Variants in UBAC2 observed in about 807,000 individuals in gnomAD.
UBAC2 encodes ubiquitin-associated domain-containing protein 2.
A neutral mutation model predicts 44.0 loss-of-function variants in UBAC2; 26 were observed. The ratio of observed to expected loss-of-function variants is 0.59; its 90% CI spans 0.43 to 0.82. The LOEUF (loss-of-function observed/expected upper bound fraction) is 0.82, where lower values mean the gene tolerates loss of function less well. UBAC2 is among the 40% of genes least tolerant of loss of function. The pLI is 0.00. For synonymous variants in UBAC2, 155 were observed against 154.3 expected (o/e 1.00, Z -0.04); for missense variants, 329 against 419.4 (o/e 0.78, Z 1.88).
At chr13:99,203,043 A>ATTTATTTATTTG (rs1555317928) in intron 1 of UBAC2, among the ~76,000 whole-genome samples, 1 of 150,856 alleles carries the variant, frequency 6.6e-6, no homozygotes, top group African/African-American at 2.4e-5. Context: ...TTATTTATTT[A>ATTTATTTATTTG]TTTATTTATT....
intron 1 of UBAC2, among the ~76,000 whole-genome samples, chr13:99,213,817 A>ATATTT (rs910735578): frequency 2.6e-5 from 4 of 152,108 alleles, no homozygotes; most frequent in Non-Finnish European, 2.9e-5. Context: ...AAAGATAAGA[A>ATATTT]TATTTTATTT....
At chr13:99,334,018 G>A (rs2044752896) in intron 6 of UBAC2, among the ~76,000 whole-genome samples, 1 of 152,148 alleles carries the variant, frequency 6.6e-6, no homozygotes, top group Non-Finnish European at 1.5e-5. Context: ...TGCAATCATA[G>A]CTCACTACAA....
Position 99,295,877 on chromosome 13 carries a change from T to G in UBAC2, c.390-18220T>G. On this transcript the variant is annotated intron_variant, in intron 4 of 8. Coordinates refer to ENST00000403766, the MANE Select transcript of UBAC2 (RefSeq NM_001144072.2). This position sits in a 1 kb window ranked among gnomAD's most constrained non-coding sequence, Gnocchi z 4.1. ...TCTCCAGTCAAAGCCCATTGCATAG[T>G]AGGCTATTCGTGTAGGCAAAGCGGT... 1.9e-6 allele frequency: 3 copies of G among 1,610,278 alleles called. No homozygotes were observed. The highest frequency in any genetic ancestry group is 2.5e-6 in the Non-Finnish European group (3 of 1,177,732).
At chr13:99,285,746 G>A (rs1290762105) in intron 4 of UBAC2, among the ~76,000 whole-genome samples, 1 of 152,140 alleles carries the variant, frequency 6.6e-6, no homozygotes, top group African/African-American at 2.4e-5. Context: ...ATAAAGCAGA[G>A]GTTGGAAAGC....
intron 7 of UBAC2, among the ~76,000 whole-genome samples, chr13:99,348,246 G>A (rs899589903): frequency 3.3e-5 from 5 of 152,172 alleles, no homozygotes; most frequent in Admixed American, 6.5e-5. Flanking sequence ...ATAAGACGCC[G>A]CCTGCGCCTT....
At chr13:99,273,801 C>G (rs777345685) in intron 4 of UBAC2, among the ~76,000 whole-genome samples, 15 of 150,890 alleles carry the variant, frequency 9.9e-5, no homozygotes, top group Non-Finnish European at 2.2e-4. Flanking sequence ...CCATTTTTCT[C>G]AGTTCTTTCT....
intron 8 of UBAC2, among the ~76,000 whole-genome samples, chr13:99,369,569 AG>A (rs1430541623): frequency 6.6e-6 from 1 of 152,226 alleles, no homozygotes; most frequent in African/African-American, 2.4e-5. Flanking sequence ...GATATTCAGT[AG>A]GTTAAGTGTA....
chr13:99,241,076 C>A (rs1427278849), intron 2 of UBAC2, among the ~76,000 whole-genome samples: 1 of 151,876 alleles, frequency 6.6e-6, no homozygotes, highest in Non-Finnish European at 1.5e-5. Context: ...CCAGCCTGGG[C>A]AACATGGCAA....
chr13:99,314,200 A>T lies in UBAC2; in HGVS notation c.493A>T (p.Ile165Phe). ...GPLSITNKTL[I>F]YILGLQLFTS... ...GTTGTCCATCACAAACAAGACATTG[A>T]TTTATATATTGGGACTGCAGGTACA... The change falls in exon 5 of 9, where the codon ATT (isoleucine) becomes TTT (phenylalanine). Residue 165 changes from isoleucine to phenylalanine, a missense_variant. Coordinates refer to ENST00000403766, the MANE Select transcript of UBAC2 (RefSeq NM_001144072.2). 2 of 1,591,886 alleles carry T rather than the reference A, an allele frequency of 1.3e-6. No individual in the cohort carries two copies. The highest frequency in any genetic ancestry group is 1.7e-6 in the Non-Finnish European group (2 of 1,168,044).
intron 4 of UBAC2, among the ~76,000 whole-genome samples, chr13:99,306,351 C>T (rs560249551): frequency 6.6e-6 from 1 of 152,276 alleles, no homozygotes; most frequent in African/African-American, 2.4e-5. Context: ...AGTAGTAATA[C>T]TCCCCATTTT....
chr13:99,280,473 C>T (rs1047419258), intron 4 of UBAC2, among the ~76,000 whole-genome samples: 13 of 152,224 alleles, frequency 8.5e-5, no homozygotes, highest in Admixed American at 2.0e-4. Flanking sequence ...CTCTGCTCCA[C>T]GAAACCCTGC....
chr13:99,350,786 C>T (rs150369216), intron 7 of UBAC2, among the ~76,000 whole-genome samples: 57 of 152,314 alleles, frequency 3.7e-4, no homozygotes, highest in African/African-American at 1.3e-3. Context: ...TTAGGTCTGG[C>T]GATTGCCATC....
chr13:99,213,275 G>A (rs1225717700), intron 1 of UBAC2, among the ~76,000 whole-genome samples: 3 of 151,010 alleles, frequency 2.0e-5, no homozygotes, highest in African/African-American at 7.3e-5. Context: ...GGCTGGTCTC[G>A]AACTCCTAAC....
intron 7 of UBAC2, among the ~76,000 whole-genome samples, chr13:99,356,562 G>A (rs764830487): frequency 1.7e-4 from 26 of 152,202 alleles, no homozygotes; most frequent in Admixed American, 4.6e-4. Flanking sequence ...CAAAGGAAAA[G>A]TGAAACCGAG....
Position 99,368,688 on chromosome 13 carries a change from A to AGAGTGT in UBAC2, c.927+783_927+784insAGTGTG, listed in dbSNP as rs765104174. Among the ~76,000 whole-genome samples the AGAGTGT allele has an allele frequency of 3.2e-3, 473 of 146,694 alleles. 1 individual carries two copies. Among genetic ancestry groups the AGAGTGT allele is most frequent in the Admixed American group, 6.0e-3 (89 of 14,846 alleles). On this transcript the variant is annotated intron_variant, in intron 8 of 8. Coordinates refer to ENST00000403766, the MANE Select transcript of UBAC2 (RefSeq NM_001144072.2). ...CACTATCATCGTAAACTCATGAGAG[A>AGAGTGT]GTGTGTGTGTGTGTGTGTGTGTGTG... is the stretch of plus-strand genomic sequence containing the variant.
chr13:99,217,083 G>T (rs753808729), intron 1 of UBAC2, among the ~76,000 whole-genome samples: 2 of 152,004 alleles, frequency 1.3e-5, no homozygotes, highest in African/African-American at 2.4e-5. Flanking sequence ...TGCCTGCCTC[G>T]GCCTCCCAAA....
intron 1 of UBAC2, chr13:99,215,467 A>G: frequency 7.2e-7 from 1 of 1,395,682 alleles, no homozygotes; most frequent in South Asian, 1.2e-5. Flanking sequence ...ATGAGAATCC[A>G]ATTCTTCATC....
chr13:99,221,638 C>A (rs924850521), intron 1 of UBAC2, among the ~76,000 whole-genome samples: 1 of 152,154 alleles, frequency 6.6e-6, no homozygotes, highest in African/African-American at 2.4e-5. Context: ...TCTATGGCCA[C>A]TCTAGACCAT....
intron 7 of UBAC2, among the ~76,000 whole-genome samples, chr13:99,347,104 C>T (rs759791561): frequency 1.4e-5 from 2 of 141,494 alleles, no homozygotes; most frequent in Non-Finnish European, 3.2e-5. Context: ...ATGGTGAGAC[C>T]CCCATCTCTA....
Sources: allele counts gnomAD v4.1 joint callset (sites outside exome capture counted in the v4.1 genomes callset), GRCh38; gene constraint gnomAD v4.1.1; non-coding constraint Gnocchi (gnomAD v3.1); transcripts MANE v1.5; gene names NCBI Gene and HGNC (gene_info 2026-07-23, HGNC 2026-07-21).